The following ADAMTS6 variants were observed in gnomAD, a reference collection of about 807,000 sequenced individuals.
ADAMTS6 encodes A disintegrin and metalloproteinase with thrombospondin motifs 6.
A neutral mutation model predicts 144.3 loss-of-function variants in ADAMTS6; 23 were observed. That is an observed-to-expected ratio of 0.16 (90% CI 0.11 to 0.23). The LOEUF (loss-of-function observed/expected upper bound fraction) is 0.23, where lower values mean the gene tolerates loss of function less well. ADAMTS6 is among the 10% of genes least tolerant of loss of function. ADAMTS6 has a pLI of 1.00. For synonymous variants in ADAMTS6, 444 were observed against 457.5 expected, an observed-to-expected ratio of 0.97 and a Z score of 0.38; for missense variants, 999 against 1,379.6, an observed-to-expected ratio of 0.72 and a Z score of 4.37.
At chr5:65,306,058 T>G (rs141130068) in intron 9 of ADAMTS6, among the ~76,000 whole-genome samples, 70 of 152,354 alleles carry the variant, frequency 4.6e-4, no homozygotes, top group African/African-American at 1.7e-3. Context: ...TCAGTTGCAA[T>G]GCAAACTCAC....
intron 7 of ADAMTS6, among the ~76,000 whole-genome samples, chr5:65,401,583 T>C (rs1032659656): frequency 1.3e-5 from 2 of 152,198 alleles, no homozygotes; most frequent in African/African-American, 4.8e-5. Context: ...AGTTTTTAAC[T>C]CTTACACTTG....
At chr5:65,271,203 A>C (rs58145760) in intron 12 of ADAMTS6, among the ~76,000 whole-genome samples, 77,461 of 151,404 alleles carry the variant, frequency 0.51, 19,880 homozygotes, top group Admixed American at 0.54. Context: ...GCCTGGCCAA[A>C]GTGGTGAAAC....
chr5:65,317,655 T>G (rs926914899), intron 9 of ADAMTS6, among the ~76,000 whole-genome samples: 1 of 152,048 alleles, frequency 6.6e-6, no homozygotes, highest in African/African-American at 2.4e-5. Flanking sequence ...TTTCAAACTA[T>G]CCATCTGACA....
intron 9 of ADAMTS6, among the ~76,000 whole-genome samples, chr5:65,312,094 T>C (rs561909963): frequency 6.6e-6 from 1 of 151,992 alleles, no homozygotes; most frequent in Non-Finnish European, 1.5e-5. Context: ...GATCAGTCAG[T>C]TCTTCAAAGA....
At chr5:65,460,377 C>A in intron 3 of ADAMTS6, 39 bp from the exon 4 acceptor site, 3 of 1,521,824 alleles carry the variant, frequency 2.0e-6, no homozygotes, top group African/African-American at 1.4e-5. Flanking sequence ...CAAAGAGAAT[C>A]ATTTTAAATA....
chr5:65,265,831 T>C (rs952629451), intron 12 of ADAMTS6, among the ~76,000 whole-genome samples: 3 of 151,808 alleles, frequency 2.0e-5, no homozygotes, highest in African/African-American at 7.3e-5. Flanking sequence ...TTGCCCAAGA[T>C]CACATACTAG....
At chr5:65,280,069 G>A (rs1762871635) in intron 11 of ADAMTS6, among the ~76,000 whole-genome samples, 1 of 152,142 alleles carries the variant, frequency 6.6e-6, no homozygotes, top group African/African-American at 2.4e-5. Flanking sequence ...GCTGTATATG[G>A]TTTTACTTTG....
chr5:65,373,832 T>C (rs1320387353), intron 7 of ADAMTS6, among the ~76,000 whole-genome samples: 1 of 152,022 alleles, frequency 6.6e-6, no homozygotes, highest in Non-Finnish European at 1.5e-5. Flanking sequence ...CCAATATCCT[T>C]GATGAACATT....
At chr5:65,339,921 GA>G (rs1450500430) in intron 7 of ADAMTS6, among the ~76,000 whole-genome samples, 1 of 151,718 alleles carries the variant, frequency 6.6e-6, no homozygotes, top group Non-Finnish European at 1.5e-5. Context: ...AGAAAAGAAG[GA>G]AAAAAGTGAG....
intron 7 of ADAMTS6, among the ~76,000 whole-genome samples, chr5:65,435,890 T>G (rs1757361670): frequency 6.6e-6 from 1 of 152,110 alleles, no homozygotes; most frequent in Admixed American, 6.5e-5. Context: ...CCTTCCAAAG[T>G]GCTGGGATTA....
At chr5:65,447,088 A>G (rs1758328027) in intron 7 of ADAMTS6, among the ~76,000 whole-genome samples, 1 of 152,174 alleles carries the variant, frequency 6.6e-6, no homozygotes, top group Non-Finnish European at 1.5e-5. Context: ...TATAGGAGAG[A>G]AAGCCAAGAA....
intron 14 of ADAMTS6, among the ~76,000 whole-genome samples, chr5:65,253,008 C>T (rs1356257232): frequency 2.6e-5 from 4 of 152,058 alleles, no homozygotes; most frequent in Admixed American, 2.6e-4. Context: ...CCATTTCAGC[C>T]TCCCAAGTAG....
rs1761123352 is a variant in ADAMTS6, at chr5:65,260,717, G to T, written c.1767-54C>A. On this transcript the variant is annotated intron_variant, in intron 13 of 24. Coordinates refer to ENST00000381055, the MANE Select transcript of ADAMTS6 (RefSeq NM_197941.4). Reference sequence around the variant, plus strand: ...ATACTAATACATCTGTCCATACAAAGAGTATATATATTACTTGATGAAAAC... The same window carrying T: ...ATACTAATACATCTGTCCATACAAATAGTATATATATTACTTGATGAAAAC... 1.7e-5 allele frequency: 23 copies of T among 1,363,836 alleles called. No homozygotes were observed. In the South Asian group the frequency reaches 2.5e-4, roughly 15 times the overall value. The allele number at this position is 1,363,836 out of a possible 1,614,324, so 84.5% of individuals were successfully genotyped here. A position where few individuals can be genotyped will look rare whatever the true frequency, so the allele number is the denominator to read the frequency against.
At chr5:65,372,940 A>C (rs539575097) in intron 7 of ADAMTS6, among the ~76,000 whole-genome samples, 3 of 152,346 alleles carry the variant, frequency 2.0e-5, no homozygotes, top group Admixed American at 1.3e-4. Flanking sequence ...ACTAGAACTC[A>C]GGATTAAGAA....
intron 20 of ADAMTS6, 36 bp from the exon 21 acceptor site, chr5:65,197,187 G>A (rs1215944885): frequency 1.2e-6 from 2 of 1,607,362 alleles, no homozygotes; most frequent in Non-Finnish European, 1.7e-6. Context: ...TTGAAGAGAA[G>A]TTTACCTTCC....
In ADAMTS6 at chr5:65,473,640, A is replaced by G; in HGVS notation, c.34T>C (p.Leu12=). Residue 12 remains leucine (L), a synonymous_variant, in exon 2 of 25, where the codon TTG becomes CTG. Transcript: ENST00000381055. ...TCCGATGAAGCCATGATGAGGCTCA[A>G]AATCCAGGTCAACGTCTTCCACAAA... is the stretch of plus-strand genomic sequence containing the variant. ...EILWKTLTWI[L]SLIMASSEFH... 1.2e-6 allele frequency: 2 copies of G among 1,613,852 alleles called. No homozygotes were observed. The highest frequency in any genetic ancestry group is 1.1e-5 in the South Asian group (1 of 91,062).
At chr5:65,460,758 T>C (rs1464075768) in intron 3 of ADAMTS6, among the ~76,000 whole-genome samples, 3 of 152,156 alleles carry the variant, frequency 2.0e-5, no homozygotes, top group African/African-American at 7.2e-5. Context: ...CAGCCCAACC[T>C]CTGAATACCT....
At chr5:65,311,266 T>C (rs1447537445) in intron 9 of ADAMTS6, among the ~76,000 whole-genome samples, 1 of 152,014 alleles carries the variant, frequency 6.6e-6, no homozygotes, top group Non-Finnish European at 1.5e-5. Flanking sequence ...TAATACTATA[T>C]AATAAGTAAT....
intron 3 of ADAMTS6, among the ~76,000 whole-genome samples, chr5:65,461,042 T>G (rs33392): frequency 0.35 from 53,914 of 151,914 alleles, 10,246 homozygotes; most frequent in South Asian, 0.43. Context: ...TCAGAGGACT[T>G]GCCCAATATT....
Sources: allele counts gnomAD v4.1 joint callset (sites outside exome capture counted in the v4.1 genomes callset), GRCh38; gene constraint gnomAD v4.1.1; transcripts MANE v1.5; gene names NCBI Gene and HGNC (gene_info 2026-07-23, HGNC 2026-07-21).